The following LOC128125822 variants were observed in gnomAD, a reference collection of about 807,000 sequenced individuals.
At chr6:63,577,800 GC>G in the LOC128125822 span, among the ~76,000 whole-genome samples, 1 of 151,460 alleles carries the variant, frequency 6.6e-6, no homozygotes, top group South Asian at 2.1e-4. Context: ...GAGCCACCAC[GC>G]CTGGCTGGGA....
At chr6:63,580,888 T>C in the LOC128125822 span, 1 of 152,624 alleles carries the variant, frequency 6.6e-6, no homozygotes, top group African/African-American at 2.4e-5. Context: ...ATTAATTTAA[T>C]GTTTGCACTC....
the LOC128125822 span, chr6:63,578,929 C>G: frequency 6.3e-7 from 1 of 1,593,770 alleles, no homozygotes; most frequent in Non-Finnish European, 8.5e-7. Context: ...GCACCACCAT[C>G]CAACCAGATT....
chr6:63,583,037 T>G, the LOC128125822 span: 1 of 152,202 alleles, frequency 6.6e-6, no homozygotes, highest in African/African-American at 2.4e-5. Context: ...TGCCAGGCAT[T>G]TAAGAATATG....
chr6:63,574,326 C>G, the LOC128125822 span, among the ~76,000 whole-genome samples: 1 of 152,162 alleles, frequency 6.6e-6, no homozygotes, highest in Non-Finnish European at 1.5e-5. Flanking sequence ...CCTCTCCCTT[C>G]TTGTATATGA....
At chr6:63,583,405 C>T in the LOC128125822 span, 1 of 152,108 alleles carries the variant, frequency 6.6e-6, no homozygotes, top group Non-Finnish European at 1.5e-5. Context: ...AATGTTTCTC[C>T]ATTACGTTTG....
chr6:63,578,003 A>C, the LOC128125822 span, among the ~76,000 whole-genome samples: 1 of 151,948 alleles, frequency 6.6e-6, no homozygotes, highest in Non-Finnish European at 1.5e-5. Flanking sequence ...AAATCAGTAA[A>C]GTTTAAGGAG....
At chr6:63,573,817 A>C in the LOC128125822 span, among the ~76,000 whole-genome samples, 6 of 152,082 alleles carry the variant, frequency 3.9e-5, no homozygotes, top group African/African-American at 1.4e-4. Flanking sequence ...ACTGACGCGA[A>C]GGACTTCCCG....
the LOC128125822 span, among the ~76,000 whole-genome samples, chr6:63,574,110 CTCAG>C: frequency 7.9e-5 from 12 of 151,872 alleles, no homozygotes; most frequent in African/African-American, 2.4e-4. Flanking sequence ...CTTCCTGTTA[CTCAG>C]TCAGTTGAAA....
At chr6:63,579,175 T>C in the LOC128125822 span, 121 of 1,451,450 alleles carry the variant, frequency 8.3e-5, no homozygotes, top group African/African-American at 1.5e-3. Flanking sequence ...ATAATACTTC[T>C]GAGTTGGGGA....
At chr6:63,573,490 T>G in the LOC128125822 span, 1 of 152,104 alleles carries the variant, frequency 6.6e-6, no homozygotes, top group African/African-American at 2.4e-5. Context: ...AACCCGTGAT[T>G]GCGGCGCGGA....
At chr6:63,578,975 T>A in the LOC128125822 span, 1 of 1,608,128 alleles carries the variant, frequency 6.2e-7, no homozygotes, top group African/African-American at 1.3e-5. Flanking sequence ...AAATTAAGTT[T>A]CGTGAAGAAC....
At chr6:63,573,471 CGCGGCGCGAACCCGTGATT>C in the LOC128125822 span, 1 of 152,030 alleles carries the variant, frequency 6.6e-6, no homozygotes, top group Admixed American at 6.6e-5. Context: ...TGACTGAAGG[CGCGGCGCGAACCCGTGATT>C]GCGGCGCGGA....
chr6:63,575,998 GT>G, the LOC128125822 span, among the ~76,000 whole-genome samples: 1 of 151,620 alleles, frequency 6.6e-6, no homozygotes, highest in Non-Finnish European at 1.5e-5. Flanking sequence ...AAATGTTTTT[GT>G]TAGTTGGAAA....
the LOC128125822 span, among the ~76,000 whole-genome samples, chr6:63,574,244 TACAC>T: frequency 3.3e-5 from 5 of 152,222 alleles, no homozygotes; most frequent in Non-Finnish European, 7.3e-5. Flanking sequence ...ACAAAGGAGT[TACAC>T]ACATTAATTG....
chr6:63,578,647 AATATT>A, the LOC128125822 span: 53 of 1,372,062 alleles, frequency 3.9e-5, no homozygotes, highest in African/African-American at 1.1e-4. Context: ...GCTAAAAACA[AATATT>A]ATATTATTGT....
the LOC128125822 span, among the ~76,000 whole-genome samples, chr6:63,575,480 GTTC>G: frequency 2.6e-5 from 4 of 152,114 alleles, no homozygotes; most frequent in Non-Finnish European, 5.9e-5. Flanking sequence ...AAATGGTTTA[GTTC>G]TTAAGGGGGA....
At chr6:63,576,779 G>A in the LOC128125822 span, 1 of 859,674 alleles carries the variant, frequency 1.2e-6, no homozygotes, top group Admixed American at 2.7e-5. Flanking sequence ...AGAATTTCAA[G>A]TGGAGTATAT....
At chr6:63,575,856 C>G in the LOC128125822 span, among the ~76,000 whole-genome samples, 2 of 151,876 alleles carry the variant, frequency 1.3e-5, no homozygotes, top group Non-Finnish European at 2.9e-5. Flanking sequence ...AAATATAGGA[C>G]TTAAATCAGT....
At chr6:63,575,585 A>G in the LOC128125822 span, among the ~76,000 whole-genome samples, 1 of 152,192 alleles carries the variant, frequency 6.6e-6, no homozygotes, top group Admixed American at 6.5e-5. Flanking sequence ...TCCACCTTCA[A>G]CATCCCTTTG....
Sources: gnomAD v4.1 joint callset for allele counts (sites outside exome capture counted in the v4.1 genomes callset) on GRCh38, gnomAD v4.1.1 for gene constraint, MANE v1.5 for transcripts.